Variants in RIMS2 observed in about 807,000 individuals in gnomAD.
RIMS2 encodes the protein regulating synaptic membrane exocytosis 2.
Under a neutral mutation model 174.4 loss-of-function variants are expected in RIMS2, and 59 were observed. That is an observed-to-expected ratio of 0.34 (90% CI 0.27 to 0.42). The LOEUF (loss-of-function observed/expected upper bound fraction) is 0.42, where lower values mean the gene tolerates loss of function less well. Ranked by LOEUF, RIMS2 falls within the 10% of genes least tolerant of loss-of-function variation. The probability of loss-of-function intolerance (pLI) is 1.00; values close to 1 mark genes in which losing one functional copy is unlikely to be tolerated. For missense variants in RIMS2, 1,620 were observed against 1,666.3 expected (o/e 0.97, Z 0.48); for synonymous variants, 606 against 572.5 (o/e 1.06, Z -0.84).
chr8:103,738,663 A>G (rs192043930), intron 2 of RIMS2, among the ~76,000 whole-genome samples: 1 of 152,326 alleles, frequency 6.6e-6, no homozygotes, highest in East Asian at 1.9e-4. Context: ...CAGAATCTAC[A>G]AAGAACTCAA....
intron 19 of RIMS2, among the ~76,000 whole-genome samples, chr8:104,057,317 C>T (rs1466462986): frequency 1.3e-5 from 2 of 152,026 alleles, no homozygotes; most frequent in Non-Finnish European, 2.9e-5. Flanking sequence ...GTCCTCCCGC[C>T]TCAGCCTCTC....
chr8:103,980,063 G>A (rs1005290379), intron 16 of RIMS2, among the ~76,000 whole-genome samples: 9 of 152,128 alleles, frequency 5.9e-5, no homozygotes, highest in African/African-American at 1.9e-4. Flanking sequence ...AGAGCCAGAG[G>A]ACTAGGATGG....
chr8:103,734,504 C>CT (rs1404713913), intron 2 of RIMS2, among the ~76,000 whole-genome samples: 2 of 139,838 alleles, frequency 1.4e-5, no homozygotes, highest in South Asian at 2.3e-4. Flanking sequence ...ATTTTTATTT[C>CT]TTTTTTTGTC....
At chr8:104,166,734 GTATAAATATTTATATTTATA>G (rs1200972052) in intron 19 of RIMS2, among the ~76,000 whole-genome samples, 3 of 151,264 alleles carry the variant, frequency 2.0e-5, no homozygotes, top group Admixed American at 6.6e-5. Flanking sequence ...ATTTATAACT[GTATAAATATTTATATTTATA>G]TATAAATATA....
At chr8:103,699,901 A>G (rs1200913539) in intron 2 of RIMS2, among the ~76,000 whole-genome samples, 3 of 152,062 alleles carry the variant, frequency 2.0e-5, no homozygotes, top group Non-Finnish European at 2.9e-5. Flanking sequence ...CTTTTTGTTA[A>G]TGATTTCTAA....
chr8:103,850,673 A>G (rs892381124), intron 3 of RIMS2, among the ~76,000 whole-genome samples: 9 of 151,948 alleles, frequency 5.9e-5, no homozygotes, highest in Non-Finnish European at 1.0e-4. Flanking sequence ...TTGTACTTTT[A>G]CCTTGTATTT....
intron 3 of RIMS2, chr8:103,768,216 T>G (rs2098201804): frequency 2.4e-6 from 1 of 413,382 alleles, no homozygotes; most frequent in Non-Finnish European, 4.5e-6. Flanking sequence ...AGTGAATGAA[T>G]GACTAAGTAA....
At chr8:104,066,155 GT>G (rs1173513002) in intron 19 of RIMS2, among the ~76,000 whole-genome samples, 1 of 152,142 alleles carries the variant, frequency 6.6e-6, no homozygotes, top group Non-Finnish European at 1.5e-5. Context: ...TGGTGGCAGA[GT>G]TGTGGCAGAG....
At chr8:103,639,758 A>G (rs536979162) in intron 1 of RIMS2, among the ~76,000 whole-genome samples, 8 of 152,066 alleles carry the variant, frequency 5.3e-5, no homozygotes, top group African/African-American at 1.2e-4. Flanking sequence ...ACATTGATGT[A>G]TAGGTTTTTG....
chr8:103,547,942 C>G (rs1201331728), intron 1 of RIMS2, among the ~76,000 whole-genome samples: 2 of 152,072 alleles, frequency 1.3e-5, no homozygotes, highest in Admixed American at 6.5e-5. Flanking sequence ...AAACATACCA[C>G]CTGCCAAGAT....
At chr8:104,195,101 G>A (rs1379515255) in intron 19 of RIMS2, among the ~76,000 whole-genome samples, 1 of 152,162 alleles carries the variant, frequency 6.6e-6, no homozygotes, top group African/African-American at 2.4e-5. Context: ...AGGGTGAATT[G>A]GAAAGTATTT....
At chr8:103,539,897 A>G (rs569360014) in intron 1 of RIMS2, among the ~76,000 whole-genome samples, 1 of 152,204 alleles carries the variant, frequency 6.6e-6, no homozygotes, top group Admixed American at 6.5e-5. Context: ...TAATTTGCAT[A>G]CTGGGCCTTG....
intron 19 of RIMS2, among the ~76,000 whole-genome samples, chr8:104,111,122 C>G (rs7001645): frequency 0.57 from 86,196 of 151,874 alleles, 27,331 homozygotes; most frequent in East Asian, 0.92. Context: ...ATGGAACTAG[C>G]AAATGAATTG....
chr8:104,249,182 C>T lies in RIMS2; in HGVS notation c.3590-305C>T, dbSNP rs150744236. Among the ~76,000 whole-genome samples, 919 of 152,066 alleles carry T rather than the reference C, an allele frequency of 6.0e-3. 9 individuals are homozygous for T. Among genetic ancestry groups the T allele is most frequent in the African/African-American group, 0.021 (863 of 41,484 alleles). Reference sequence around the variant, plus strand: ...TCCTGGCCTCAAGCGATCCTCCTGCCTCCACCTCCCAAAGTGCTGGGATTA... The same window carrying T: ...TCCTGGCCTCAAGCGATCCTCCTGCTTCCACCTCCCAAAGTGCTGGGATTA... On this transcript the variant is annotated intron_variant, in intron 21 of 23. Coordinates refer to ENST00000504942, the Ensembl canonical transcript of RIMS2.
intron 3 of RIMS2, among the ~76,000 whole-genome samples, chr8:103,870,974 A>G (rs2099108693): frequency 6.6e-6 from 1 of 152,218 alleles, no homozygotes; most frequent in African/African-American, 2.4e-5. Context: ...ATTTTTATCC[A>G]ACTTTCATTT....
At chr8:103,739,102 C>T (rs539213637) in intron 2 of RIMS2, among the ~76,000 whole-genome samples, 2 of 152,230 alleles carry the variant, frequency 1.3e-5, no homozygotes, top group East Asian at 1.9e-4. Flanking sequence ...TGGCACTATT[C>T]ACAATAGCAA....
intron 1 of RIMS2, among the ~76,000 whole-genome samples, chr8:103,507,457 A>T (rs985443752): frequency 6.6e-6 from 1 of 152,080 alleles, no homozygotes; most frequent in Non-Finnish European, 1.5e-5. Flanking sequence ...AGTACTCAAA[A>T]ATATTAATCG....
At position 103,537,796 on chromosome 8, in the gene RIMS2, T is replaced by C. The variant is rs183486658; in HGVS notation, c.176+36734T>C. Among the ~76,000 whole-genome samples, 4 of 152,280 alleles carry C rather than the reference T, an allele frequency of 2.6e-5. No individual in the cohort carries two copies. The East Asian group carries it at 7.7e-4, about 29-fold the overall frequency. ...TAGTCTTTGCCATGGTCTTTTGCTT[T>C]AATCTTTCCAACTAAGGGGAAAATG... On this transcript the variant is annotated intron_variant, in intron 1 of 23. Transcript: ENST00000504942.
rs115170306 is a variant in RIMS2, at chr8:103,915,002, T to C, written c.1813-493T>C. On this transcript the variant is annotated intron_variant, in intron 6 of 23. Coordinates refer to ENST00000504942, the Ensembl canonical transcript of RIMS2. Reference sequence around the variant, plus strand: ...GTTACTTCTGATGCGATTACGTAAATTTTGTAATTTTTTTCAAGAAAGATC... The same window carrying C: ...GTTACTTCTGATGCGATTACGTAAACTTTGTAATTTTTTTCAAGAAAGATC... Among the ~76,000 whole-genome samples, 1,294 of 152,174 alleles carry C rather than the reference T, an allele frequency of 8.5e-3. 19 individuals carry two copies. Among genetic ancestry groups the C allele is most frequent in the African/African-American group, 0.029 (1,223 of 41,552 alleles).
Sources: gnomAD v4.1 joint callset for allele counts (sites outside exome capture counted in the v4.1 genomes callset) on GRCh38, gnomAD v4.1.1 for gene constraint, MANE v1.5 for transcripts, NCBI Gene and HGNC (gene_info 2026-07-23, HGNC 2026-07-21) for gene names.